CATSPERE: variants seen among roughly 807,000 people sequenced by gnomAD.
The protein encoded by CATSPERE is cation channel sperm-associated auxiliary subunit epsilon.
A neutral mutation model predicts 114.1 loss-of-function variants in CATSPERE; 93 were observed. That is an observed-to-expected ratio of 0.81 (90% CI 0.69 to 0.97). CATSPERE has a LOEUF of 0.97. CATSPERE is among the 50% of genes least tolerant of loss of function. CATSPERE has a pLI of 0.00. For synonymous variants in CATSPERE, 341 were observed against 384.1 expected, an observed-to-expected ratio of 0.89 and a Z score of 1.31; for missense variants, 1,058 against 1,131.6, an observed-to-expected ratio of 0.93 and a Z score of 0.93.
At chr1:244,619,521 G>C (rs1034930603) in intron 20 of CATSPERE, among the ~76,000 whole-genome samples, 20 of 152,214 alleles carry the variant, frequency 1.3e-4, no homozygotes, top group Middle Eastern at 3.4e-3. Flanking sequence ...CTATTCAAAG[G>C]CAGCTTTGAA....
chr1:244,489,913 G>A (rs1671702396), intron 5 of CATSPERE, among the ~76,000 whole-genome samples: 1 of 152,174 alleles, frequency 6.6e-6, no homozygotes. Flanking sequence ...ACTGGTTACT[G>A]GGAGAGAGCA....
intron 8 of CATSPERE, among the ~76,000 whole-genome samples, chr1:244,544,276 T>C (rs1659369759): frequency 6.6e-6 from 1 of 152,104 alleles, no homozygotes. Flanking sequence ...AAAAAGGAAA[T>C]ATCAGACATT....
chr1:244,602,314 A>G (rs1158680453), intron 17 of CATSPERE, among the ~76,000 whole-genome samples: 1 of 152,164 alleles, frequency 6.6e-6, no homozygotes, highest in Non-Finnish European at 1.5e-5. Context: ...ATAGTTGAAA[A>G]CCAGGTATCC....
rs747921082 is a variant in CATSPERE at position 244,510,835 on chromosome 1, CTTTT to C, written c.430-7735_430-7732del. 2.9e-4 allele frequency among the ~76,000 whole-genome samples: 14 copies of C among 48,342 alleles called. No homozygotes were observed. The Admixed American group carries it at 2.9e-3, about 10-fold the overall frequency. The allele number at this position is 48,342 out of a possible 152,430, so 31.7% of individuals were successfully genotyped here. ...TTCTTTTTTTTTTCTTTTTCTTTTT[CTTTT>C]TTTTTTTTTTTTTTTTTTTTTGAGA... On this transcript the variant is annotated intron_variant, in intron 7 of 21. Transcript: ENST00000366534.
At chr1:244,541,255 C>T (rs1381357095) in intron 8 of CATSPERE, among the ~76,000 whole-genome samples, 2 of 150,894 alleles carry the variant, frequency 1.3e-5, no homozygotes, top group African/African-American at 2.4e-5. Context: ...ACAACTTACT[C>T]ATCTGACAAA....
intron 2 of CATSPERE, among the ~76,000 whole-genome samples, chr1:244,468,562 A>G (rs948419908): frequency 4.6e-5 from 7 of 152,198 alleles, no homozygotes; most frequent in African/African-American, 1.7e-4. Context: ...AAAGGTAGAT[A>G]AAGGGCAAGA....
intron 10 of CATSPERE, among the ~76,000 whole-genome samples, chr1:244,563,851 T>C (rs946362511): frequency 2.0e-5 from 3 of 152,196 alleles, no homozygotes; most frequent in African/African-American, 7.2e-5. Context: ...TCCTGAATGG[T>C]ATTGCCTAGG....
chr1:244,635,351 T>A, intron 20 of CATSPERE, 138 bp from the exon 21 acceptor site: 1 of 599,868 alleles, frequency 1.7e-6, no homozygotes, highest in East Asian at 3.0e-5. Context: ...TATAAATGTA[T>A]CCATTCTGTC....
In CATSPERE at chr1:244,558,765, CTCTCCT is replaced by C. The variant is rs575004511; in HGVS notation, c.1030-1885_1030-1880del. Among the ~76,000 whole-genome samples, 49 of 152,208 alleles carry C rather than the reference CTCTCCT, an allele frequency of 3.2e-4. No homozygotes were observed. The East Asian group carries it at 3.3e-3, about 10-fold the overall frequency. ...CTCCTCCTGCCCACTCTGCACTCCC[CTCTCCT>C]TCTCCTTCTCCTTCTCCCTCTCCTT... On this transcript the variant is annotated intron_variant, in intron 9 of 21. Coordinates refer to ENST00000366534, the MANE Select transcript of CATSPERE (RefSeq NM_001130957.2).
At chr1:244,598,629 G>A in intron 17 of CATSPERE, 1 of 351,954 alleles carries the variant, frequency 2.8e-6, no homozygotes, top group Non-Finnish European at 5.9e-6. Context: ...CTTTTCCACG[G>A]TGTGGCACTG....
intron 2 of CATSPERE, among the ~76,000 whole-genome samples, chr1:244,472,345 A>G (rs918725957): frequency 1.3e-5 from 2 of 152,152 alleles, no homozygotes; most frequent in Admixed American, 6.5e-5. Context: ...TATTGAATAC[A>G]TTTTGGCTTG....
chr1:244,490,000 C>T (rs555964194), intron 5 of CATSPERE, among the ~76,000 whole-genome samples: 1 of 152,232 alleles, frequency 6.6e-6, no homozygotes, highest in South Asian at 2.1e-4. Flanking sequence ...GGCAGACGAG[C>T]ATTCAGTGGA....
intron 12 of CATSPERE, among the ~76,000 whole-genome samples, chr1:244,583,226 A>G (rs6429481): frequency 0.19 from 28,360 of 151,940 alleles, 3,846 homozygotes; most frequent in East Asian, 0.41. Context: ...TTTTTGACAA[A>G]AAAAACCTTA....
chr1:244,624,259 C>T (rs549474034), intron 20 of CATSPERE, among the ~76,000 whole-genome samples: 16 of 151,916 alleles, frequency 1.1e-4, no homozygotes, highest in Non-Finnish European at 2.4e-4. Context: ...GCGTGAGCCA[C>T]CACGCCTGGC....
At chr1:244,510,663 T>C (rs1298032132) in intron 7 of CATSPERE, among the ~76,000 whole-genome samples, 2 of 152,146 alleles carry the variant, frequency 1.3e-5, no homozygotes, top group African/African-American at 2.4e-5. Context: ...TGTTTCTTTG[T>C]TGATTTTCTA....
chr1:244,638,517 T>C (rs1430042957), intron 21 of CATSPERE, among the ~76,000 whole-genome samples: 2 of 152,176 alleles, frequency 1.3e-5, no homozygotes, highest in East Asian at 1.9e-4. Context: ...AATCATGACT[T>C]GAGTTAGCAT....
intron 19 of CATSPERE, chr1:244,610,600 AGAGT>A (rs1670586101): frequency 2.0e-6 from 1 of 493,900 alleles, no homozygotes; most frequent in Non-Finnish European, 3.7e-6. Flanking sequence ...GAAAGCATCA[AGAGT>A]GAGTCTTTGT....
At chr1:244,623,648 C>A (rs550015611) in intron 20 of CATSPERE, among the ~76,000 whole-genome samples, 1 of 152,056 alleles carries the variant, frequency 6.6e-6, no homozygotes, top group Non-Finnish European at 1.5e-5. Context: ...CAAATACAGG[C>A]GCACCCCAGA....
intron 7 of CATSPERE, among the ~76,000 whole-genome samples, chr1:244,510,778 A>G (rs1371281856): frequency 7.7e-6 from 1 of 129,940 alleles, no homozygotes; most frequent in Non-Finnish European, 1.7e-5. Flanking sequence ...TGCTTTATAT[A>G]TCTGGGTGTG....
Sources: allele counts gnomAD v4.1 joint callset (sites outside exome capture counted in the v4.1 genomes callset), GRCh38; gene constraint gnomAD v4.1.1; transcripts MANE v1.5; gene names NCBI Gene and HGNC (gene_info 2026-07-23, HGNC 2026-07-21).